The following TDRD3 variants were observed in gnomAD, a reference collection of about 807,000 sequenced individuals.
TDRD3 encodes tudor domain containing 3.
Under a neutral mutation model 86.7 loss-of-function variants are expected in TDRD3, and 45 were observed. That is an observed-to-expected ratio of 0.52 (90% CI 0.41 to 0.67). The LOEUF is 0.67. Among genes scored for constraint, TDRD3 ranks in the 30% least tolerant of loss-of-function variants. The pLI is 0.00. For synonymous variants in TDRD3, 298 were observed against 301.7 expected (o/e 0.99, Z 0.13); for missense variants, 814 against 889.0 (o/e 0.92, Z 1.07).
intron 7 of TDRD3, among the ~76,000 whole-genome samples, chr13:60,492,286 G>T (rs986663009): frequency 1.3e-5 from 2 of 152,150 alleles, no homozygotes; most frequent in African/African-American, 2.4e-5. Flanking sequence ...TTTGGAGCAG[G>T]TGAGATTCCA....
At chr13:60,524,532 A>T (rs938592920) in intron 10 of TDRD3, among the ~76,000 whole-genome samples, 2 of 151,856 alleles carry the variant, frequency 1.3e-5, no homozygotes, top group Non-Finnish European at 2.9e-5. Flanking sequence ...TAAATAAATA[A>T]AAAAAGAGAA....
At chr13:60,483,986 A>G in intron 6 of TDRD3, 140 bp downstream of exon 6, 2 of 842,554 alleles carry the variant, frequency 2.4e-6, no homozygotes, top group Non-Finnish European at 3.4e-6. Flanking sequence ...GGAATTTAAT[A>G]ATTTTGAGGT....
intron 5 of TDRD3, among the ~76,000 whole-genome samples, chr13:60,471,188 TG>T (rs1451217578): frequency 1.3e-5 from 2 of 152,240 alleles, no homozygotes; most frequent in Non-Finnish European, 2.9e-5. Context: ...TTAGCTTTTA[TG>T]CTTAGGTCTT....
At chr13:60,510,832 T>TA in intron 10 of TDRD3, 77 bp downstream of exon 10, 1 of 1,332,854 alleles carries the variant, frequency 7.5e-7, no homozygotes, top group Non-Finnish European at 9.9e-7. Flanking sequence ...TATTTCTTTT[T>TA]AAAAGACCAA....
At chr13:60,475,745 G>A (rs1285335667) in intron 5 of TDRD3, among the ~76,000 whole-genome samples, 1 of 152,170 alleles carries the variant, frequency 6.6e-6, no homozygotes, top group African/African-American at 2.4e-5. Context: ...ATTCTGTTAT[G>A]AGATGGTATC....
chr13:60,478,800 A>AATTT (rs1404977475), intron 5 of TDRD3, among the ~76,000 whole-genome samples: 1 of 120,450 alleles, frequency 8.3e-6, no homozygotes, highest in Non-Finnish European at 1.8e-5. Flanking sequence ...TAATTTGAGG[A>AATTT]CTTTTTTTTT....
intron 3 of TDRD3, among the ~76,000 whole-genome samples, chr13:60,448,366 G>T (rs1594945047): frequency 6.6e-6 from 1 of 152,190 alleles, no homozygotes; most frequent in Non-Finnish European, 1.5e-5. Flanking sequence ...TGATTATTTT[G>T]GGAGAAGACA....
At chr13:60,428,104 T>C (rs1954855891) in intron 1 of TDRD3, among the ~76,000 whole-genome samples, 1 of 151,964 alleles carries the variant, frequency 6.6e-6, no homozygotes, top group South Asian at 2.1e-4. Flanking sequence ...GTCCAGTTTC[T>C]GCCTCCAGCT....
At chr13:60,508,687 A>G (rs1437923849) in intron 8 of TDRD3, among the ~76,000 whole-genome samples, 1 of 152,214 alleles carries the variant, frequency 6.6e-6, no homozygotes, top group Non-Finnish European at 1.5e-5. Context: ...CCTAGGCAAT[A>G]CCATTCAGGA....
intron 8 of TDRD3, among the ~76,000 whole-genome samples, chr13:60,498,163 C>G (rs958911070): frequency 8.5e-5 from 13 of 152,120 alleles, no homozygotes; most frequent in Non-Finnish European, 1.6e-4. Context: ...TAGACCTACT[C>G]ATTCCAGCTG....
chr13:60,427,943 A>G (rs1954852300), intron 1 of TDRD3, among the ~76,000 whole-genome samples: 1 of 152,104 alleles, frequency 6.6e-6, no homozygotes, highest in Non-Finnish European at 1.5e-5. Context: ...AAACAATTGA[A>G]ATTTATTCAC....
intron 8 of TDRD3, among the ~76,000 whole-genome samples, chr13:60,498,944 G>A (rs1410230445): frequency 6.6e-6 from 1 of 152,220 alleles, no homozygotes; most frequent in South Asian, 2.1e-4. Context: ...GGTCCAGTGG[G>A]TACGCGGACT....
intron 4 of TDRD3, among the ~76,000 whole-genome samples, chr13:60,466,111 A>G (rs964885915): frequency 6.6e-6 from 1 of 152,180 alleles, no homozygotes; most frequent in African/African-American, 2.4e-5. Context: ...AAAAATTAGC[A>G]TATAAAAATC....
At chr13:60,507,043 A>T (rs943149912) in intron 8 of TDRD3, among the ~76,000 whole-genome samples, 4 of 152,202 alleles carry the variant, frequency 2.6e-5, no homozygotes, top group African/African-American at 9.6e-5. Flanking sequence ...AAAAAAATGC[A>T]GGGGTTGCAA....
intron 1 of TDRD3, among the ~76,000 whole-genome samples, chr13:60,405,456 T>G (rs1954212519): frequency 6.6e-6 from 1 of 152,136 alleles, no homozygotes; most frequent in Non-Finnish European, 1.5e-5. Flanking sequence ...TTCATGGTGG[T>G]CAGAGAATAG....
At chr13:60,521,426 G>A (rs1484242738) in intron 10 of TDRD3, among the ~76,000 whole-genome samples, 2 of 151,456 alleles carry the variant, frequency 1.3e-5, no homozygotes, top group Non-Finnish European at 2.9e-5. Context: ...TACTCTCAAC[G>A]TAGTAACTAT....
intron 8 of TDRD3, among the ~76,000 whole-genome samples, chr13:60,506,655 G>T (rs1158452757): frequency 1.3e-5 from 2 of 152,258 alleles, no homozygotes; most frequent in East Asian, 3.9e-4. Context: ...TACTTGAGAG[G>T]CTGAGGCAGG....
intron 1 of TDRD3, among the ~76,000 whole-genome samples, chr13:60,427,080 A>G (rs1954831729): frequency 6.6e-6 from 1 of 152,250 alleles, no homozygotes; most frequent in East Asian, 1.9e-4. Flanking sequence ...CAGTATTTTA[A>G]TCTTAGAGGA....
At chr13:60,470,879 G>A (rs922517661) in intron 5 of TDRD3, among the ~76,000 whole-genome samples, 1 of 152,008 alleles carries the variant, frequency 6.6e-6, no homozygotes, top group African/African-American at 2.4e-5. Flanking sequence ...CACCATGCCC[G>A]GCCTTCATTA....
Sources: gnomAD v4.1 joint callset for allele counts (sites outside exome capture counted in the v4.1 genomes callset) on GRCh38, gnomAD v4.1.1 for gene constraint, MANE v1.5 for transcripts, NCBI Gene and HGNC (gene_info 2026-07-23, HGNC 2026-07-21) for gene names.